ANK3: variants seen among roughly 807,000 people sequenced by gnomAD.
The protein encoded by ANK3 is ankyrin-3.
Under a neutral mutation model 370.9 loss-of-function variants are expected in ANK3, and 57 were observed. The observed-to-expected ratio is 0.15, with a 90% CI of 0.12 to 0.19. ANK3 has a LOEUF of 0.19. Among genes scored for constraint, ANK3 ranks in the 10% least tolerant of loss-of-function variants. ANK3 has a pLI of 1.00. For synonymous variants in ANK3, 1,929 were observed against 1,946.3 expected (o/e 0.99, Z 0.23); for missense variants, 4,439 against 5,302.1 (o/e 0.84, Z 5.06).
At chr10:60,583,189 A>C (rs2077778946) in intron 2 of ANK3, among the ~76,000 whole-genome samples, 1 of 152,222 alleles carries the variant, frequency 6.6e-6, no homozygotes, top group African/African-American at 2.4e-5. Flanking sequence ...AAAAAGGATG[A>C]AATCTTGTCA....
intron 2 of ANK3, among the ~76,000 whole-genome samples, chr10:60,456,686 C>G (rs188842622): frequency 1.3e-5 from 2 of 152,130 alleles, no homozygotes; most frequent in Admixed American, 6.6e-5. Flanking sequence ...TCATTCTTGA[C>G]CCTCATCAGC....
intron 7 of ANK3, among the ~76,000 whole-genome samples, chr10:60,245,467 A>G (rs1361217885): frequency 1.3e-5 from 2 of 152,216 alleles, no homozygotes; most frequent in Non-Finnish European, 2.9e-5. Flanking sequence ...ATCATTTTCA[A>G]AAAGGAATCC....
intron 2 of ANK3, among the ~76,000 whole-genome samples, chr10:60,418,321 A>G (rs1216478865): frequency 6.6e-6 from 1 of 152,052 alleles, no homozygotes; most frequent in Non-Finnish European, 1.5e-5. Flanking sequence ...CTGGAACCCC[A>G]TTCCTATGTC....
intron 1 of ANK3, among the ~76,000 whole-genome samples, chr10:60,659,002 C>T (rs760767908): frequency 1.3e-5 from 2 of 151,744 alleles, no homozygotes; most frequent in Non-Finnish European, 2.9e-5. Context: ...ATCTTGTCAA[C>T]AAATACTACT....
chr10:60,433,015 T>C (rs1394531915), intron 2 of ANK3, among the ~76,000 whole-genome samples: 1 of 152,062 alleles, frequency 6.6e-6, no homozygotes, highest in Non-Finnish European at 1.5e-5. Flanking sequence ...ACCAAGACAG[T>C]GGGATCATGA....
chr10:60,333,314 G>A (rs1241556945), intron 1 of ANK3, among the ~76,000 whole-genome samples: 12 of 142,218 alleles, frequency 8.4e-5, no homozygotes, highest in African/African-American at 3.1e-4. Context: ...CCAACCCCCC[G>A]ACAGGCCCCA....
intron 42 of ANK3, chr10:60,043,781 T>C (rs2076507912): frequency 1.0e-6 from 1 of 985,366 alleles, no homozygotes; most frequent in South Asian, 4.7e-5. Context: ...TGAGGTTTGG[T>C]GGTGAATGGT....
intron 23 of ANK3, among the ~76,000 whole-genome samples, chr10:60,158,556 C>T (rs1357196137): frequency 2.6e-5 from 4 of 152,060 alleles, no homozygotes; most frequent in Admixed American, 2.0e-4. Context: ...ACGAAATTGT[C>T]ACCAGTTTAA....
At chr10:60,237,302 G>T (rs546745220) in intron 7 of ANK3, among the ~76,000 whole-genome samples, 1 of 152,192 alleles carries the variant, frequency 6.6e-6, no homozygotes, top group Admixed American at 6.5e-5. Flanking sequence ...AGCAGATGGA[G>T]GGTCAGGTTG....
At chr10:60,644,337 G>C (rs999417433) in intron 1 of ANK3, among the ~76,000 whole-genome samples, 1 of 151,986 alleles carries the variant, frequency 6.6e-6, no homozygotes, top group Non-Finnish European at 1.5e-5. Context: ...TTAAAATACA[G>C]TTTTACTCAT....
intron 28 of ANK3, among the ~76,000 whole-genome samples, chr10:60,098,688 A>G (rs1418553335): frequency 2.0e-5 from 3 of 152,234 alleles, no homozygotes; most frequent in African/African-American, 7.2e-5. Context: ...TTTTAAAATA[A>G]TTATAAATTC....
intron 2 of ANK3, among the ~76,000 whole-genome samples, chr10:60,540,701 G>C (rs1365856087): frequency 6.6e-6 from 1 of 151,898 alleles, no homozygotes; most frequent in East Asian, 1.9e-4. Context: ...TAAAACTCAA[G>C]AGATTGGGCA....
In ANK3 at chr10:60,071,504, T is replaced by A. The variant is rs769527509; in HGVS notation, c.9377A>T (p.Gln3126Leu). ...KIISQECKTV[Q>L]ETRGTFYTTR... ...TGTATAAAAGGTCCCCCTGGTTTCT[T>A]GTACTGTCTTACATTCCTGACTTAT... The change falls in exon 37 of 44, where the codon CAA becomes CTA. Residue 3126 changes from glutamine (Q) to leucine (L), a missense_variant. Around this residue, in one of 13 missense-constraint regions of ANK3, gnomAD observed 1,601 missense variants for 1,731.7 expected, o/e 0.92. Coordinates refer to ENST00000280772, the MANE Select transcript of ANK3 (RefSeq NM_020987.5). 1.1e-5 allele frequency: 18 copies of A among 1,614,070 alleles called. No individual in the cohort carries two copies. The South Asian group carries it at 1.5e-4, about 14-fold the overall frequency.
At chr10:60,369,780 C>G (rs1450753843) in intron 1 of ANK3, among the ~76,000 whole-genome samples, 1 of 152,132 alleles carries the variant, frequency 6.6e-6, no homozygotes, top group Non-Finnish European at 1.5e-5. Context: ...CTAAGATAAA[C>G]TCTTATCACG....
At chr10:60,033,610 C>T (rs896592306) in intron 43 of ANK3, among the ~76,000 whole-genome samples, 1 of 150,592 alleles carries the variant, frequency 6.6e-6, no homozygotes, top group Non-Finnish European at 1.5e-5. Flanking sequence ...CTGCATACAT[C>T]ACATCTTCAA....
intron 1 of ANK3, among the ~76,000 whole-genome samples, chr10:60,334,112 T>C (rs1368007537): frequency 6.6e-6 from 1 of 152,164 alleles, no homozygotes; most frequent in African/African-American, 2.4e-5. Context: ...GTAATCTCTA[T>C]TAGTCTGTTA....
At chr10:60,639,937 A>C (rs2078607202) in intron 1 of ANK3, among the ~76,000 whole-genome samples, 1 of 152,060 alleles carries the variant, frequency 6.6e-6, no homozygotes, top group Admixed American at 6.6e-5. Context: ...TAAAAAAATA[A>C]GACTCACCTA....
At chr10:60,174,085 G>A (rs193048028) in intron 18 of ANK3, among the ~76,000 whole-genome samples, 15 of 152,262 alleles carry the variant, frequency 9.9e-5, no homozygotes, top group Admixed American at 5.9e-4. Context: ...GGGGGTGGGT[G>A]ATCCATATTT....
chr10:60,709,674 A>G (rs2079674051), intron 1 of ANK3, among the ~76,000 whole-genome samples: 1 of 151,998 alleles, frequency 6.6e-6, no homozygotes, highest in Non-Finnish European at 1.5e-5. Context: ...AAATAAAAAT[A>G]AAAATTAGCC....
Sources: allele counts gnomAD v4.1 joint callset (sites outside exome capture counted in the v4.1 genomes callset), GRCh38; gene constraint gnomAD v4.1.1; regional missense constraint gnomAD v4.1.1; transcripts MANE v1.5; gene names NCBI Gene and HGNC (gene_info 2026-07-23, HGNC 2026-07-21).